UBR3: variants seen among roughly 807,000 people sequenced by gnomAD.
UBR3 encodes E3 ubiquitin-protein ligase UBR3.
A neutral mutation model predicts 243.2 loss-of-function variants in UBR3; 85 were observed. That is an observed-to-expected ratio of 0.35 (90% CI 0.29 to 0.42). The LOEUF (loss-of-function observed/expected upper bound fraction) is 0.42, where lower values mean the gene tolerates loss of function less well. UBR3 is among the 10% of genes least tolerant of loss of function. UBR3 has a pLI of 1.00. For missense variants in UBR3, 1,686 were observed against 2,300.8 expected, an observed-to-expected ratio of 0.73 and a Z score of 5.47; for synonymous variants, 748 against 799.8, an observed-to-expected ratio of 0.94 and a Z score of 1.09.
intron 36 of UBR3, chr2:170,078,059 G>A: frequency 1.5e-6 from 1 of 678,272 alleles, no homozygotes; most frequent in South Asian, 1.4e-5. Context: ...GCTCCCTGTG[G>A]AGTCTTTCTT....
chr2:170,003,902 A>G (rs1332984349), intron 27 of UBR3, among the ~76,000 whole-genome samples: 1 of 152,170 alleles, frequency 6.6e-6, no homozygotes, highest in Non-Finnish European at 1.5e-5. Flanking sequence ...AGCCTCCCAA[A>G]GTGCTAGGAT....
intron 1 of UBR3, among the ~76,000 whole-genome samples, chr2:169,841,782 C>G (rs963189937): frequency 2.0e-5 from 3 of 152,246 alleles, no homozygotes; most frequent in South Asian, 4.1e-4. Context: ...GGGCAGGGCT[C>G]GGGACCTGCA....
chr2:169,996,756 G>A (rs1479455833), intron 26 of UBR3, among the ~76,000 whole-genome samples: 1 of 141,618 alleles, frequency 7.1e-6, no homozygotes, highest in Non-Finnish European at 1.5e-5. Flanking sequence ...GCAGTGGTGC[G>A]ATCTCAGCTC....
rs1251827547 is a variant in UBR3, at chr2:169,946,970, A to G, written c.2911-572A>G. ...TAGAAGTATTGTGTCCATAAAAGCA[A>G]TTGTTACTACAAATTAGTTTTACTA... On this transcript the variant is annotated intron_variant, in intron 21 of 38. Transcript: ENST00000272793. 3.9e-5 allele frequency among the ~76,000 whole-genome samples: 6 copies of G among 152,242 alleles called. 1 individual carries two copies. In the Middle Eastern group the frequency reaches 0.014, roughly 348 times the overall value.
intron 32 of UBR3, 124 bp from the exon 33 acceptor site, chr2:170,055,332 CAAAA>C: frequency 4.5e-6 from 5 of 1,115,668 alleles, no homozygotes; most frequent in Non-Finnish European, 6.3e-6. Flanking sequence ...CAAAAACAAA[CAAAA>C]AAACTATTAA....
chr2:169,840,357 G>A (rs545467718), intron 1 of UBR3, among the ~76,000 whole-genome samples: 17 of 152,314 alleles, frequency 1.1e-4, no homozygotes, highest in East Asian at 9.6e-4. Flanking sequence ...GCTAGAAAGG[G>A]AGCTGGAACT....
Position 169,928,758 on chromosome 2 carries a change from T to C in UBR3, c.2456T>C (p.Ile819Thr). The C allele has an allele frequency of 6.7e-7, 1 of 1,497,376 alleles. No homozygotes were observed. Among genetic ancestry groups the C allele is most frequent in the Non-Finnish European group, 9.0e-7 (1 of 1,109,354 alleles). 92.8% of individuals were successfully genotyped at this position (1,497,376 alleles called of 1,614,324 possible). ...GAAAATCCTAATCCCAAAAGTGGCA[T>C]TATTCCAGGCAGTTACAGCTTTGAA... ...IPENPNPKSG[I>T]IPGSYSFESV... Residue 819 changes from isoleucine to threonine, a missense_variant, in exon 18 of 39, where the codon ATT (isoleucine) becomes ACT (threonine). Coordinates refer to ENST00000272793, the MANE Select transcript of UBR3 (RefSeq NM_172070.4).
chr2:169,973,893 G>C (rs991913305), intron 24 of UBR3, among the ~76,000 whole-genome samples: 3 of 151,990 alleles, frequency 2.0e-5, no homozygotes, highest in Non-Finnish European at 4.4e-5. Context: ...TTTGTTGAGG[G>C]TTATCATGAA....
At chr2:170,061,224 G>A in intron 34 of UBR3, 38 bp downstream of exon 34, 1 of 1,579,976 alleles carries the variant, frequency 6.3e-7, no homozygotes, top group East Asian at 2.2e-5. Flanking sequence ...CGGTTATTTA[G>A]TAAAAAATTT....
Position 169,841,416 on chromosome 2 carries a change from A to G in UBR3, c.545+13364A>G, listed in dbSNP as rs368422332. On this transcript the variant is annotated intron_variant, in intron 1 of 38. Coordinates refer to ENST00000272793, the MANE Select transcript of UBR3 (RefSeq NM_172070.4). ...TGCTCTCGGCACCTCCCCTGCCTGGACTCCCACTTTGGTGGCATTTGAGGA... is the reference window on the plus strand; with the variant it reads ...TGCTCTCGGCACCTCCCCTGCCTGGGCTCCCACTTTGGTGGCATTTGAGGA... Among the ~76,000 whole-genome samples the G allele has an allele frequency of 3.3e-3, 503 of 152,070 alleles. 1 individual carries two copies. Among genetic ancestry groups the G allele is most frequent in the South Asian group, 9.1e-3 (44 of 4,820 alleles).
chr2:169,902,950 A>G (rs980355427), intron 8 of UBR3, among the ~76,000 whole-genome samples: 28 of 152,068 alleles, frequency 1.8e-4, no homozygotes, highest in African/African-American at 6.5e-4. Context: ...ATTTGTTCTT[A>G]TGAGTCCCTC....
intron 31 of UBR3, among the ~76,000 whole-genome samples, chr2:170,039,575 T>C (rs1171565403): frequency 3.3e-5 from 5 of 152,128 alleles, no homozygotes; most frequent in East Asian, 3.9e-4. Context: ...GCAGCAGGGG[T>C]TGATTTACTC....
intron 5 of UBR3, among the ~76,000 whole-genome samples, chr2:169,889,976 G>T (rs537983608): frequency 4.6e-5 from 7 of 152,096 alleles, no homozygotes; most frequent in Non-Finnish European, 8.8e-5. Flanking sequence ...CCACATTACC[G>T]CACCTCTTTA....
intron 24 of UBR3, among the ~76,000 whole-genome samples, chr2:169,974,522 A>G (rs2088333080): frequency 6.6e-6 from 1 of 151,790 alleles, no homozygotes; most frequent in Admixed American, 6.6e-5. Context: ...TTTCTTATTC[A>G]TTTCTGATTT....
intron 5 of UBR3, among the ~76,000 whole-genome samples, chr2:169,881,486 G>A (rs887441824): frequency 1.3e-4 from 19 of 151,476 alleles, no homozygotes; most frequent in East Asian, 5.8e-4. Context: ...GCCCCAGAAA[G>A]CTAAACTTTT....
At chr2:169,920,612 T>C (rs1264073448) in intron 11 of UBR3, among the ~76,000 whole-genome samples, 2 of 152,198 alleles carry the variant, frequency 1.3e-5, no homozygotes, top group Admixed American at 1.3e-4. Flanking sequence ...CCTCATTTTT[T>C]CTTCCCTTCC....
chr2:170,022,907 C>A (rs577589926), intron 30 of UBR3, among the ~76,000 whole-genome samples: 2 of 152,120 alleles, frequency 1.3e-5, no homozygotes, highest in African/African-American at 4.8e-5. Context: ...GACCTGTTCC[C>A]AGACCTCATT....
chr2:169,896,394 G>A (rs539607413), intron 7 of UBR3, 113 bp from the exon 8 acceptor site: 2 of 612,508 alleles, frequency 3.3e-6, no homozygotes, highest in African/African-American at 3.8e-5. Flanking sequence ...GTTATCTTGG[G>A]CATTATTATA....
intron 35 of UBR3, among the ~76,000 whole-genome samples, chr2:170,070,616 A>G (rs2091677641): frequency 6.6e-6 from 1 of 152,208 alleles, no homozygotes; most frequent in Admixed American, 6.5e-5. Context: ...ATTAGAGCTA[A>G]TAAGTTCAGC....
Sources: gnomAD v4.1 joint callset for allele counts (sites outside exome capture counted in the v4.1 genomes callset) on GRCh38, gnomAD v4.1.1 for gene constraint, MANE v1.5 for transcripts, NCBI Gene and HGNC (gene_info 2026-07-23, HGNC 2026-07-21) for gene names.